Variants in CC2D2A observed in about 807,000 individuals in gnomAD.
CC2D2A encodes coiled-coil and C2 domain containing 2A, also known as coiled-coil and C2 domain-containing protein 2A.
A neutral mutation model predicts 212.9 loss-of-function variants in CC2D2A; 155 were observed. The observed-to-expected ratio is 0.73, with a 90% confidence interval of 0.64 to 0.83. CC2D2A has a LOEUF of 0.83. Ranked by LOEUF, CC2D2A falls within the 40% of genes least tolerant of loss-of-function variation. CC2D2A has a pLI of 0.00. For missense variants in CC2D2A, 1,856 were observed against 1,956.2 expected (o/e 0.95, Z 0.97); for synonymous variants, 667 against 686.5 (o/e 0.97, Z 0.44).
In CC2D2A at chr4:15,555,125, A is replaced by G. The variant is rs1435950839; in HGVS notation, c.2540A>G (p.Asp847Gly). ...ISSIGTSGLT[D>G]MKKLAKWAAE... ...TCTATTGGCACATCAGGACTGACAG[A>G]CATGAAAAAATTGGCCAAGTGGGCA... is the stretch of plus-strand genomic sequence containing the variant. Residue 847 changes from aspartate to glycine, a missense_variant, in exon 20 of 37, where the codon GAC becomes GGC. Around this residue, in one of 5 missense-constraint regions of CC2D2A, gnomAD observed 1,512 missense variants for 1,579.3 expected, o/e 0.96. Coordinates refer to ENST00000424120, the MANE Select transcript of CC2D2A (RefSeq NM_001378615.1). The G allele has an allele frequency of 6.2e-7, 1 of 1,613,764 alleles. No homozygotes were observed. The highest frequency in any genetic ancestry group is 1.7e-5 in the Admixed American group (1 of 59,978).
chr4:15,473,957 A>C (rs184964384), intron 1 of CC2D2A, among the ~76,000 whole-genome samples: 6 of 152,192 alleles, frequency 3.9e-5, no homozygotes, highest in African/African-American at 1.2e-4. Flanking sequence ...TGAGGTATGT[A>C]AAGCCAAGTG....
intron 4 of CC2D2A, among the ~76,000 whole-genome samples, chr4:15,497,830 A>G (rs1263461756): frequency 6.6e-6 from 1 of 150,564 alleles, no homozygotes; most frequent in Non-Finnish European, 1.5e-5. Context: ...TGTGTTCTGC[A>G]CATTTTAAAA....
At chr4:15,508,439 G>GT (rs1296257633) in intron 6 of CC2D2A, among the ~76,000 whole-genome samples, 1 of 152,130 alleles carries the variant, frequency 6.6e-6, no homozygotes, top group East Asian at 1.9e-4. Context: ...AAAAAGACAT[G>GT]TAAGAAAAAG....
At chr4:15,566,810 CA>C (rs539922969) in intron 24 of CC2D2A, among the ~76,000 whole-genome samples, 1 of 151,814 alleles carries the variant, frequency 6.6e-6, no homozygotes, top group African/African-American at 2.4e-5. Flanking sequence ...CTGGTCCCTA[CA>C]AAAAATTTTA....
chr4:15,496,679 A>G (rs1715634450), intron 4 of CC2D2A, among the ~76,000 whole-genome samples: 1 of 152,164 alleles, frequency 6.6e-6, no homozygotes, highest in South Asian at 2.1e-4. Context: ...GCATCTGCCC[A>G]AAGGCTCCTA....
chr4:15,555,135 A>C lies in CC2D2A; in HGVS notation c.2550A>C (p.Lys850Asn). The C allele has an allele frequency of 1.9e-6, 3 of 1,613,870 alleles. No homozygotes were observed. The highest frequency in any genetic ancestry group is 2.5e-6 in the Non-Finnish European group (3 of 1,179,848). Residue 850 changes from lysine to asparagine, a missense_variant, in exon 20 of 37, where the codon AAA (lysine) becomes AAC (asparagine). Lys to Asn is a moderately conservative substitution (Grantham distance 94). Around this residue, in one of 5 missense-constraint regions of CC2D2A, gnomAD observed 1,512 missense variants for 1,579.3 expected, o/e 0.96. Coordinates refer to ENST00000424120, the MANE Select transcript of CC2D2A (RefSeq NM_001378615.1). ...IGTSGLTDMK[K>N]LAKWAAESKL... ...CATCAGGACTGACAGACATGAAAAAATTGGCCAAGTGGGCAGCAGAGTCCA... is the reference window on the plus strand; with the variant it reads ...CATCAGGACTGACAGACATGAAAAACTTGGCCAAGTGGGCAGCAGAGTCCA...
intron 4 of CC2D2A, among the ~76,000 whole-genome samples, chr4:15,483,770 T>A (rs1260679726): frequency 6.6e-6 from 1 of 152,244 alleles, no homozygotes; most frequent in African/African-American, 2.4e-5. Context: ...GGTTGACTCC[T>A]TACTGGCCTC....
At chr4:15,579,890 A>G in intron 29 of CC2D2A, 78 bp from the exon 30 acceptor site, 2 of 1,123,594 alleles carry the variant, frequency 1.8e-6, no homozygotes, top group Non-Finnish European at 2.7e-6. Flanking sequence ...CATTTCCTGC[A>G]TGTTGACTGT....
At chr4:15,563,276 G>A (rs1056960510) in intron 23 of CC2D2A, 79 bp from the exon 24 acceptor site, 3 of 1,392,370 alleles carry the variant, frequency 2.2e-6, no homozygotes, top group Non-Finnish European at 2.9e-6. Flanking sequence ...GGACCATGGG[G>A]CAGAGTTCGG....
intron 4 of CC2D2A, among the ~76,000 whole-genome samples, chr4:15,497,238 G>T (rs905069208): frequency 7.9e-5 from 12 of 152,152 alleles, no homozygotes; most frequent in African/African-American, 2.9e-4. Flanking sequence ...GAACAGGTTA[G>T]AGAGCCCAGA....
chr4:15,492,182 T>C (rs1385773467), intron 4 of CC2D2A, among the ~76,000 whole-genome samples: 1 of 152,200 alleles, frequency 6.6e-6, no homozygotes, highest in Admixed American at 6.5e-5. Flanking sequence ...GGTCAAAAAC[T>C]TGGAGTCATC....
intron 24 of CC2D2A, among the ~76,000 whole-genome samples, chr4:15,564,864 A>G (rs1719810493): frequency 1.3e-5 from 2 of 151,886 alleles, no homozygotes; most frequent in African/African-American, 4.8e-5. Flanking sequence ...TTTTGTAGAG[A>G]CAGGCTGTCC....
At chr4:15,492,305 T>C (rs1380313627) in intron 4 of CC2D2A, among the ~76,000 whole-genome samples, 1 of 152,194 alleles carries the variant, frequency 6.6e-6, no homozygotes, top group Non-Finnish European at 1.5e-5. Flanking sequence ...CTTACCACCC[T>C]GATCTAAGCC....
In CC2D2A at chr4:15,537,034, C is replaced by T. The variant is rs201451230; in HGVS notation, c.1722C>T (p.Tyr574=). The T allele has an allele frequency of 6.2e-6, 10 of 1,613,580 alleles. No individual in the cohort carries two copies. The highest frequency in any genetic ancestry group is 8.5e-6 in the Non-Finnish European group (10 of 1,179,648). ...AGTACGCACAGAAGATGGAAGAATA[C>T]AGAACGTCGTTACAACAGTGGAAGG... ...TEEYAQKMEE[Y]RTSLQQWKAW... The change falls in exon 15 of 37, where the codon TAC becomes TAT. Residue 574 remains tyrosine, a synonymous_variant. Coordinates refer to ENST00000424120, the MANE Select transcript of CC2D2A (RefSeq NM_001378615.1).
intron 11 of CC2D2A, among the ~76,000 whole-genome samples, chr4:15,523,384 GC>G (rs1434883890): frequency 6.6e-6 from 1 of 152,180 alleles, no homozygotes; most frequent in Non-Finnish European, 1.5e-5. Context: ...ATGTGCAGGA[GC>G]CTCCCTTTTT....
chr4:15,516,944 C>CATTT (rs1716909594), intron 11 of CC2D2A, among the ~76,000 whole-genome samples, 188 bp downstream of exon 11: 1 of 95,792 alleles, frequency 1.0e-5, no homozygotes, highest in Non-Finnish European at 2.0e-5. Context: ...TGCATCCCTT[C>CATTT]TTTTTTTTTT....
chr4:15,482,956 C>A (rs1714782452), intron 4 of CC2D2A, among the ~76,000 whole-genome samples: 1 of 152,120 alleles, frequency 6.6e-6, no homozygotes, highest in African/African-American at 2.4e-5. Flanking sequence ...CTGAGACCTG[C>A]CTACTGGAGC....
At chr4:15,502,740 GA>G in intron 5 of CC2D2A, 81 bp from the exon 6 acceptor site, 1 of 1,246,208 alleles carries the variant, frequency 8.0e-7, no homozygotes, top group Non-Finnish European at 1.1e-6. Context: ...TCCCCTTAAA[GA>G]AGGATAGCAT....
chr4:15,470,059 TA>T lies in CC2D2A; in HGVS notation c.-19+5del, dbSNP rs1324124097. On this transcript the variant is annotated splice_donor_region_variant and intron_variant, in intron 1 of 36. Coordinates refer to ENST00000424120, the MANE Select transcript of CC2D2A (RefSeq NM_001378615.1). ...GTGCCTTTTGTAAAGTTTCTTAAGG[TA>T]AATCAGTCCCTAACCGGACTTTAGG... 1 of 152,212 alleles carries T rather than the reference TA, an allele frequency of 6.6e-6. No homozygotes were observed. Among genetic ancestry groups the T allele is most frequent in the Non-Finnish European group, 1.5e-5 (1 of 68,042 alleles). The allele number at this position is 152,212 out of a possible 1,614,324, so 9.4% of individuals were successfully genotyped here.
Sources: allele counts gnomAD v4.1 joint callset (sites outside exome capture counted in the v4.1 genomes callset), GRCh38; gene constraint gnomAD v4.1.1; regional missense constraint gnomAD v4.1.1; transcripts MANE v1.5; gene names NCBI Gene and HGNC (gene_info 2026-07-23, HGNC 2026-07-21).